ST6GALNAC3: variants seen among roughly 807,000 people sequenced by gnomAD.
ST6GALNAC3 encodes the protein alpha-N-acetylgalactosaminide alpha-2,6-sialyltransferase 3.
ST6GALNAC3 carries 25 observed loss-of-function variants against 32.7 expected under a neutral mutation model. The ratio of observed to expected loss-of-function variants is 0.76; its 90% confidence interval spans 0.56 to 1.07. The LOEUF is 1.07. Ranked by LOEUF, ST6GALNAC3 falls within the 50% of genes least tolerant of loss-of-function variation. The pLI, the probability that ST6GALNAC3 is intolerant of heterozygous loss-of-function variation, is 0.00. For synonymous variants in ST6GALNAC3, 129 were observed against 133.1 expected, an observed-to-expected ratio of 0.97 and a Z score of 0.21; for missense variants, 355 against 382.4, an observed-to-expected ratio of 0.93 and a Z score of 0.60.
intron 1 of ST6GALNAC3, among the ~76,000 whole-genome samples, chr1:76,230,995 A>G (rs74517812): frequency 0.015 from 2,349 of 152,226 alleles, 54 homozygotes; most frequent in African/African-American, 0.053. Flanking sequence ...AGGGAAGTCT[A>G]TTTTCCCCTT....
chr1:76,316,570 A>C (rs954047658), intron 2 of ST6GALNAC3, among the ~76,000 whole-genome samples: 1 of 152,080 alleles, frequency 6.6e-6, no homozygotes, highest in African/African-American at 2.4e-5. Context: ...GACATATACA[A>C]CGGTAAACTA....
intron 1 of ST6GALNAC3, among the ~76,000 whole-genome samples, chr1:76,097,205 C>A (rs1038437912): frequency 6.6e-6 from 1 of 152,224 alleles, no homozygotes; most frequent in Admixed American, 6.5e-5. Flanking sequence ...AGGCGTGAAC[C>A]ACTGCGCCCA....
intron 1 of ST6GALNAC3, among the ~76,000 whole-genome samples, chr1:76,162,527 G>A (rs187374098): frequency 2.6e-5 from 4 of 152,278 alleles, no homozygotes; most frequent in African/African-American, 4.8e-5. Context: ...TTTCTTCACC[G>A]TATAATGGGG....
chr1:76,301,651 T>C (rs1466147835), intron 1 of ST6GALNAC3, among the ~76,000 whole-genome samples: 1 of 151,926 alleles, frequency 6.6e-6, no homozygotes, highest in Non-Finnish European at 1.5e-5. Context: ...ACTCTGCTTG[T>C]GTTTCGGTGA....
At chr1:76,159,773 A>G (rs190624837) in intron 1 of ST6GALNAC3, among the ~76,000 whole-genome samples, 2 of 152,360 alleles carry the variant, frequency 1.3e-5, no homozygotes, top group African/African-American at 4.8e-5. Flanking sequence ...TCAGAACACA[A>G]TAATTCACAG....
At chr1:76,626,312 T>A (rs1400770168) in intron 3 of ST6GALNAC3, among the ~76,000 whole-genome samples, 1 of 151,870 alleles carries the variant, frequency 6.6e-6, no homozygotes, top group Non-Finnish European at 1.5e-5. Context: ...CCATTTAATC[T>A]TTTTCAGAGG....
At chr1:76,285,489 A>G (rs1233885855) in intron 1 of ST6GALNAC3, among the ~76,000 whole-genome samples, 6 of 152,166 alleles carry the variant, frequency 3.9e-5, no homozygotes, top group Admixed American at 6.5e-5. Flanking sequence ...TTAGGGCTCC[A>G]CAAAAATGTT....
At chr1:76,593,869 T>C (rs534951634) in intron 3 of ST6GALNAC3, among the ~76,000 whole-genome samples, 1 of 152,072 alleles carries the variant, frequency 6.6e-6, no homozygotes, top group South Asian at 2.1e-4. Flanking sequence ...GTGGCGATCA[T>C]AGGAACAGGG....
chr1:76,510,810 T>C (rs1440821597), intron 3 of ST6GALNAC3, among the ~76,000 whole-genome samples: 2 of 152,158 alleles, frequency 1.3e-5, no homozygotes, highest in African/African-American at 4.8e-5. Context: ...CTAAGCACAA[T>C]GTGCATTTTA....
intron 2 of ST6GALNAC3, among the ~76,000 whole-genome samples, chr1:76,343,822 C>A (rs1355791008): frequency 1.3e-5 from 2 of 152,070 alleles, no homozygotes; most frequent in African/African-American, 2.4e-5. Context: ...GGATTCCCTT[C>A]CATTATATGA....
intron 2 of ST6GALNAC3, among the ~76,000 whole-genome samples, chr1:76,403,531 G>A (rs952554116): frequency 1.7e-4 from 26 of 152,102 alleles, no homozygotes; most frequent in Admixed American, 6.6e-5. Flanking sequence ...GGAATCACAT[G>A]TGGGACTTAA....
At chr1:76,378,427 C>T (rs1651415500) in intron 2 of ST6GALNAC3, among the ~76,000 whole-genome samples, 1 of 152,022 alleles carries the variant, frequency 6.6e-6, no homozygotes, top group Admixed American at 6.6e-5. Flanking sequence ...TTTGGGAGGC[C>T]AAGGTGGGCA....
chr1:76,532,894 C>A (rs1663348459), intron 3 of ST6GALNAC3, among the ~76,000 whole-genome samples: 2 of 152,012 alleles, frequency 1.3e-5, no homozygotes, highest in Non-Finnish European at 1.5e-5. Flanking sequence ...ATCACCAATT[C>A]TGCTGTCATT....
intron 1 of ST6GALNAC3, among the ~76,000 whole-genome samples, chr1:76,211,639 C>T (rs1655168182): frequency 6.6e-6 from 1 of 152,076 alleles, no homozygotes; most frequent in South Asian, 2.1e-4. Context: ...TTTGTAGGGA[C>T]ATGGATGAAG....
Position 76,628,812 on chromosome 1 carries a change from G to C in ST6GALNAC3, c.*6G>C. The C allele has an allele frequency of 5.6e-6, 9 of 1,609,468 alleles. No individual in the cohort carries two copies. Among genetic ancestry groups the C allele is most frequent in the Non-Finnish European group, 6.8e-6 (8 of 1,177,866 alleles). On this transcript the variant is annotated 3_prime_UTR_variant, in exon 5 of 5. Transcript: ENST00000328299. ...CAAACTGGACATTGTCTTGATAATGGTTTTCCTGATCTTGCCGCATCACTT... is the reference window on the plus strand; with the variant it reads ...CAAACTGGACATTGTCTTGATAATGCTTTTCCTGATCTTGCCGCATCACTT...
chr1:76,367,241 A>G (rs575302406), intron 2 of ST6GALNAC3, among the ~76,000 whole-genome samples: 3 of 152,274 alleles, frequency 2.0e-5, no homozygotes, highest in East Asian at 3.9e-4. Flanking sequence ...TCCTTTTCAT[A>G]TATACATTAA....
In ST6GALNAC3 at chr1:76,493,815, A is replaced by G. The variant is rs549065618; in HGVS notation, c.623+81398A>G. ...AGAGGTATTGAATTCAGCCATTCAG[A>G]TCTTTTTCAAATTGGAAGCAACTTC... On this transcript the variant is annotated intron_variant, in intron 3 of 4. Transcript: ENST00000328299. Among the ~76,000 whole-genome samples, 424 of 152,238 alleles carry G rather than the reference A, an allele frequency of 2.8e-3. 3 individuals carry two copies. The highest frequency in any genetic ancestry group is 4.7e-3 in the Non-Finnish European group (319 of 68,016).
intron 1 of ST6GALNAC3, among the ~76,000 whole-genome samples, chr1:76,135,751 A>G (rs1314864400): frequency 6.6e-6 from 1 of 152,200 alleles, no homozygotes; most frequent in Non-Finnish European, 1.5e-5. Flanking sequence ...TTCAAAGCCT[A>G]ATTCAGCACA....
intron 1 of ST6GALNAC3, among the ~76,000 whole-genome samples, chr1:76,111,058 G>C (rs374425732): frequency 1.3e-5 from 2 of 152,196 alleles, no homozygotes; most frequent in African/African-American, 4.8e-5. Flanking sequence ...AAAAGCCTTA[G>C]TAAGAAAGGC....
Sources: allele counts gnomAD v4.1 joint callset (sites outside exome capture counted in the v4.1 genomes callset), GRCh38; gene constraint gnomAD v4.1.1; transcripts MANE v1.5; gene names NCBI Gene and HGNC (gene_info 2026-07-23, HGNC 2026-07-21).